Variants in ZNF875 observed in about 807,000 individuals in gnomAD.
ZNF875 encodes the protein zinc finger protein 875.
Under a neutral mutation model 11.2 loss-of-function variants are expected in ZNF875, and 14 were observed. That is an observed-to-expected ratio of 1.26 (90% CI 0.83 to 1.96). The LOEUF (loss-of-function observed/expected upper bound fraction) is 1.96. Ranked by LOEUF, ZNF875 falls within the 30% of genes most tolerant of loss-of-function variation. The probability of loss-of-function intolerance (pLI) is 0.00; values close to 1 mark genes in which losing one functional copy is unlikely to be tolerated. For synonymous variants in ZNF875, 301 were observed against 281.1 expected (o/e 1.07, Z -0.71); for missense variants, 752 against 760.4 (o/e 0.99, Z 0.13).
At chr19:37,324,600 A>G (rs1403672355) in intron 4 of ZNF875, among the ~76,000 whole-genome samples, 2 of 152,364 alleles carry the variant, frequency 1.3e-5, no homozygotes, top group South Asian at 2.1e-4. Context: ...GTGAAACGCT[A>G]TAAAAAATAA....
chr19:37,332,033 T>G (rs367650271), upstream of ZNF875, among the ~76,000 whole-genome samples: 6 of 121,446 alleles, frequency 4.9e-5, no homozygotes. Context: ...TTGTAAAGCA[T>G]TGAGATGTTT....
In ZNF875 at chr19:37,362,163, A is replaced by G. The variant is rs781366203; in HGVS notation, c.311A>G (p.Gln104Arg). ...SPSCPLIFSSQQALSQHVWLS... is the reference protein window; with the variant it reads ...SPSCPLIFSSRQALSQHVWLS... Reference sequence around the variant, plus strand: ...TCCTGCCCTCTGATTTTCTCCAGTCAGCAAGCTCTCAGCCAACATGTGTGG... The same window carrying G: ...TCCTGCCCTCTGATTTTCTCCAGTCGGCAAGCTCTCAGCCAACATGTGTGG... The change falls in exon 5 of 5, where the codon CAG becomes CGG. Residue 104 changes from glutamine (Q) to arginine (R), a missense_variant. Physicochemically the swap from Gln to Arg is conservative, Grantham distance 43 (BLOSUM62 1). Coordinates refer to ENST00000392153, the MANE Select transcript of ZNF875 (RefSeq NM_001353803.2). The G allele has an allele frequency of 6.2e-7, 1 of 1,614,144 alleles. No individual in the cohort carries two copies. Among genetic ancestry groups the G allele is most frequent in the Non-Finnish European group, 8.5e-7 (1 of 1,180,022 alleles).
At chr19:37,344,600 T>G in intron 2 of ZNF875, 1 of 1,161,318 alleles carries the variant, frequency 8.6e-7, no homozygotes. Context: ...TTCATATATT[T>G]ATTTTTCAGC....
chr19:37,327,092 A>G (rs2032586156), intron 4 of ZNF875, among the ~76,000 whole-genome samples: 1 of 151,826 alleles, frequency 6.6e-6, no homozygotes, highest in Non-Finnish European at 1.5e-5. Flanking sequence ...CCTGGGTCCA[A>G]GCAGTTCTCC....
At chr19:37,346,509 C>T (rs1431359792) in intron 2 of ZNF875, 2 of 153,020 alleles carry the variant, frequency 1.3e-5, no homozygotes, top group Non-Finnish European at 2.9e-5. Context: ...TATTTGCCCC[C>T]AAGCCCCAGA....
chr19:37,314,079 G>A (rs566856162), upstream of ZNF875, among the ~76,000 whole-genome samples: 2 of 151,752 alleles, frequency 1.3e-5, no homozygotes, highest in Non-Finnish European at 1.5e-5. Flanking sequence ...ATCAAGTCAC[G>A]AAGTGTATGC....
Position 37,363,781 on chromosome 19 carries a change from T to G in ZNF875, c.*6T>G. ...AGAGGACACACTCAGGATAGAAACT[T>G]TATGTGTATAGGGAATGTGGTACAG... On this transcript the variant is annotated 3_prime_UTR_variant, in exon 5 of 5. Transcript: ENST00000392153. 1 of 1,610,258 alleles carries G rather than the reference T, an allele frequency of 6.2e-7. No homozygotes were observed. The highest frequency in any genetic ancestry group is 8.5e-7 in the Non-Finnish European group (1 of 1,176,806).
chr19:37,346,895 C>G, intron 2 of ZNF875: 1 of 245,524 alleles, frequency 4.1e-6, no homozygotes, highest in Non-Finnish European at 8.0e-6. Context: ...CAGAGTTTTG[C>G]TCTTGTTGCC....
intron 4 of ZNF875, among the ~76,000 whole-genome samples, chr19:37,328,117 G>T (rs1272049875): frequency 6.6e-6 from 1 of 152,118 alleles, no homozygotes; most frequent in Admixed American, 6.5e-5. Context: ...GTGCATGCGT[G>T]TAACCCCAGC....
At position 37,362,262 on chromosome 19, in the gene ZNF875, A is replaced by G. The variant is rs1388693321; in HGVS notation, c.410A>G (p.Glu137Gly). The change falls in exon 5 of 5, where the codon GAA becomes GGA. Residue 137 changes from glutamate to glycine, a missense_variant. Glu to Gly is a moderately conservative substitution (Grantham distance 98). Coordinates refer to ENST00000392153, the MANE Select transcript of ZNF875 (RefSeq NM_001353803.2). ...NPLHLGKHYP[E>G]DQKQQQDPFC... ...CTCCACCTGGGAAAACACTATCCAG[A>G]AGATCAGAAACAACAGCAGGATCCA... The G allele has an allele frequency of 2.5e-6, 4 of 1,614,098 alleles. No homozygotes were observed. The highest frequency in any genetic ancestry group is 3.4e-6 in the Non-Finnish European group (4 of 1,180,046).
intron 2 of ZNF875, among the ~76,000 whole-genome samples, chr19:37,322,558 T>C (rs776654038): frequency 1.3e-5 from 2 of 152,224 alleles, no homozygotes; most frequent in Non-Finnish European, 2.9e-5. Flanking sequence ...CTGGCTTTAT[T>C]TATTAGCTTT....
At chr19:37,331,706 C>T (rs2033421824), upstream of ZNF875, among the ~76,000 whole-genome samples, 1 of 147,948 alleles carries the variant, frequency 6.8e-6, no homozygotes, top group Non-Finnish European at 1.5e-5. Context: ...GGGACCTCTG[C>T]CTAGGAAAGC....
intron 4 of ZNF875, among the ~76,000 whole-genome samples, chr19:37,327,542 C>T (rs1212140714): frequency 3.3e-5 from 5 of 151,718 alleles, no homozygotes; most frequent in Non-Finnish European, 7.4e-5. Context: ...CCGAGGCGGG[C>T]AGATCACCTG....
intron 4 of ZNF875, among the ~76,000 whole-genome samples, chr19:37,350,181 G>A (rs1358991323): frequency 1.4e-5 from 2 of 143,132 alleles, no homozygotes; most frequent in African/African-American, 2.6e-5. Context: ...GCGCAATCTC[G>A]GCTCACTGCA....
chr19:37,322,997 T>G (rs1185386152), intron 2 of ZNF875, among the ~76,000 whole-genome samples: 6 of 151,824 alleles, frequency 4.0e-5, no homozygotes, highest in Admixed American at 1.3e-4. Context: ...GCTTGAACAT[T>G]TGATGGTGGA....
At chr19:37,336,088 G>A (rs1360322359) in intron 2 of ZNF875, among the ~76,000 whole-genome samples, 6 of 152,134 alleles carry the variant, frequency 3.9e-5, no homozygotes, top group Non-Finnish European at 2.9e-5. Flanking sequence ...TGGATGAAGG[G>A]CAGGGACAGC....
At chr19:37,317,506 G>A (rs1213580680), upstream of ZNF875, among the ~76,000 whole-genome samples, 2 of 152,192 alleles carry the variant, frequency 1.3e-5, no homozygotes, top group African/African-American at 2.4e-5. Flanking sequence ...GACTGGCGGT[G>A]CACAAAGTTG....
At chr19:37,329,843 C>T (rs1298645169), upstream of ZNF875, among the ~76,000 whole-genome samples, 1 of 152,126 alleles carries the variant, frequency 6.6e-6, no homozygotes, top group Non-Finnish European at 1.5e-5. Flanking sequence ...CTCTCTCTGG[C>T]CAGCTCAGGC....
At chr19:37,326,056 C>G (rs1055075816) in intron 4 of ZNF875, among the ~76,000 whole-genome samples, 1 of 151,978 alleles carries the variant, frequency 6.6e-6, no homozygotes, top group Admixed American at 6.6e-5. Flanking sequence ...TTGCCCAGAC[C>G]GGTCTCAAAT....
Sources: gnomAD v4.1 joint callset for allele counts (sites outside exome capture counted in the v4.1 genomes callset) on GRCh38, gnomAD v4.1.1 for gene constraint, MANE v1.5 for transcripts, NCBI Gene and HGNC (gene_info 2026-07-23, HGNC 2026-07-21) for gene names.